The following CTTNBP2 variants were observed in gnomAD, a reference collection of about 807,000 sequenced individuals.
The protein encoded by CTTNBP2 is cortactin binding protein 2, also known as cortactin-binding protein 2.
Under a neutral mutation model 156.9 loss-of-function variants are expected in CTTNBP2, and 108 were observed. The ratio of observed to expected loss-of-function variants is 0.69; its 90% CI spans 0.59 to 0.81. The LOEUF (loss-of-function observed/expected upper bound fraction) is 0.81, where lower values mean the gene tolerates loss of function less well. CTTNBP2 is among the 30% of genes least tolerant of loss of function. CTTNBP2 has a pLI of 0.00. For synonymous variants in CTTNBP2, 767 were observed against 751.8 expected, an observed-to-expected ratio of 1.02 and a Z score of -0.33; for missense variants, 1,924 against 2,035.4, an observed-to-expected ratio of 0.95 and a Z score of 1.05.
chr7:117,721,140 AAG>A lies in CTTNBP2; in HGVS notation c.4448-12_4448-11del. 1 of 1,520,266 alleles carries A rather than the reference AAG, an allele frequency of 6.6e-7. No individual in the cohort carries two copies. Among genetic ancestry groups the A allele is most frequent in the Non-Finnish European group, 9.1e-7 (1 of 1,094,586 alleles). 94.2% of individuals were successfully genotyped at this position (1,520,266 alleles called of 1,614,324 possible). A position where few individuals can be genotyped will look rare whatever the true frequency, so the allele number is the denominator to read the frequency against. On this transcript the variant is annotated splice_polypyrimidine_tract_variant and intron_variant, in intron 19 of 22. Transcript: ENST00000160373. ...GTCTTATTTTTCATACCTGTTAAAA[AAG>A]AGAACCATTTTCAATAGATCATTAT...
At chr7:117,867,279 C>G (rs1804262630) in intron 1 of CTTNBP2, among the ~76,000 whole-genome samples, 1 of 152,134 alleles carries the variant, frequency 6.6e-6, no homozygotes, top group African/African-American at 2.4e-5. Flanking sequence ...TCCTCTGATT[C>G]ATCTGGGTAC....
Position 117,767,170 on chromosome 7 carries a change from G to A in CTTNBP2, c.2785C>T (p.Leu929=), listed in dbSNP as rs747289011. 5.1e-6 allele frequency: 8 copies of A among 1,583,826 alleles called. No individual in the cohort carries two copies. The highest frequency in any genetic ancestry group is 5.0e-5 in the Admixed American group (3 of 59,946). ...CCTCCGTGCCTACACAAGATTTCTAGGCAGTTCTATAAAGACAAGAGCTCT... is the reference window on the plus strand; with the variant it reads ...CCTCCGTGCCTACACAAGATTTCTAAGCAGTTCTATAAAGACAAGAGCTCT... ...IAASKGFKNC[L]EILCRHGGLE... Residue 929 remains leucine (L), a synonymous_variant, in exon 9 of 23, where the codon CTA becomes TTA. Transcript: ENST00000160373.
intron 8 of CTTNBP2, among the ~76,000 whole-genome samples, chr7:117,772,300 A>G (rs532399022): frequency 6.6e-6 from 1 of 152,320 alleles, no homozygotes; most frequent in South Asian, 2.1e-4. Context: ...TGGAGGAGGC[A>G]AGGTATTCAA....
chr7:117,871,462 AAAG>A (rs1804591164), intron 1 of CTTNBP2: 1 of 159,408 alleles, frequency 6.3e-6, no homozygotes, highest in Non-Finnish European at 1.5e-5. Flanking sequence ...TGGAAATAGC[AAAG>A]AAGGTTCACT....
intron 6 of CTTNBP2, among the ~76,000 whole-genome samples, chr7:117,781,927 G>C (rs1291486848): frequency 6.6e-6 from 1 of 152,210 alleles, no homozygotes; most frequent in African/African-American, 2.4e-5. Flanking sequence ...TATGTCCCAA[G>C]AGTAACAGCA....
chr7:117,783,963 CTCATA>C (rs1798564944), intron 5 of CTTNBP2, among the ~76,000 whole-genome samples: 1 of 152,074 alleles, frequency 6.6e-6, no homozygotes, highest in Non-Finnish European at 1.5e-5. Context: ...ATTAGACTTT[CTCATA>C]TATCAGGTAT....
At chr7:117,725,564 A>G (rs1164413214) in intron 17 of CTTNBP2, among the ~76,000 whole-genome samples, 1 of 152,268 alleles carries the variant, frequency 6.6e-6, no homozygotes, top group Non-Finnish European at 1.5e-5. Context: ...AGGTAAATTT[A>G]AAGACTGAAA....
rs753469120 is a variant in CTTNBP2 at position 117,735,351 on chromosome 7, T to C, written c.3606A>G (p.Lys1202=). 13 of 1,613,712 alleles carry C rather than the reference T, an allele frequency of 8.1e-6. No homozygotes were observed. The highest frequency in any genetic ancestry group is 1.0e-5 in the Non-Finnish European group (12 of 1,179,636). The change falls in exon 15 of 23, where the codon AAA becomes AAG. Residue 1202 remains lysine (K), a synonymous_variant. Transcript: ENST00000160373. Reference sequence around the variant, plus strand: ...CCCTCAATAACTCCGACAGTGAAGATTTTTCTAAATTTTCTAAAATGATGA... The same window carrying C: ...CCCTCAATAACTCCGACAGTGAAGACTTTTCTAAATTTTCTAAAATGATGA... ...KIIIILENLE[K]SSLSELLRDF... is the part of the protein sequence containing the mutation.
At chr7:117,731,677 A>G (rs1240459347) in intron 16 of CTTNBP2, among the ~76,000 whole-genome samples, 1 of 152,224 alleles carries the variant, frequency 6.6e-6, no homozygotes, top group Non-Finnish European at 1.5e-5. Context: ...GGAAAATGCT[A>G]TGACTGACTG....
At chr7:117,854,054 A>G (rs1353213471) in intron 2 of CTTNBP2, among the ~76,000 whole-genome samples, 1 of 152,226 alleles carries the variant, frequency 6.6e-6, no homozygotes, top group Non-Finnish European at 1.5e-5. Flanking sequence ...ATACAATGCT[A>G]CTTAAAAATC....
At position 117,836,648 on chromosome 7, in the gene CTTNBP2, C is replaced by T. The variant is rs557981302; in HGVS notation, c.189+24561G>A. On this transcript the variant is annotated intron_variant, in intron 2 of 22. Transcript: ENST00000160373. ...AAATACGTCACTCTTGTACAAAATA[C>T]CTTAAGCGTCTGTATTAGTCTGTTC... Among the ~76,000 whole-genome samples, 14 of 152,278 alleles carry T rather than the reference C, an allele frequency of 9.2e-5. No homozygotes were observed. In the East Asian group the frequency reaches 2.5e-3, roughly 27 times the overall value.
rs111497210 is a variant in CTTNBP2, at chr7:117,732,875, T to C, written c.3876+2038A>G. 1.6e-4 allele frequency among the ~76,000 whole-genome samples: 24 copies of C among 152,258 alleles called. 1 individual carries two copies. The highest frequency in any genetic ancestry group is 5.5e-4 in the African/African-American group (23 of 41,548). On this transcript the variant is annotated intron_variant, in intron 16 of 22. Coordinates refer to ENST00000160373, the MANE Select transcript of CTTNBP2 (RefSeq NM_033427.3). ...CTATTAAATTGATATCACTGTACTA[T>C]CTGAGGCTTTGGGATCTGTTACAAT...
At chr7:117,735,513 T>A in intron 14 of CTTNBP2, 92 bp from the exon 15 acceptor site, 1 of 1,078,844 alleles carries the variant, frequency 9.3e-7, no homozygotes, top group Non-Finnish European at 1.4e-6. Flanking sequence ...TATAAAGCAT[T>A]AGCAAAGATG....
rs922150344 is a variant in CTTNBP2 at position 117,817,494 on chromosome 7, T to C, written c.190-6505A>G. On this transcript the variant is annotated intron_variant, in intron 2 of 22. Coordinates refer to ENST00000160373, the MANE Select transcript of CTTNBP2 (RefSeq NM_033427.3). ...GAGGGTTTCACATACATGAGGTTCC[T>C]ACTTTGGCTTTCCTTGTTTGATATA... Among the ~76,000 whole-genome samples the C allele has an allele frequency of 6.0e-5, 9 of 150,022 alleles. No individual in the cohort carries two copies. The South Asian group carries it at 1.9e-3, about 32-fold the overall frequency.
Position 117,873,348 on chromosome 7 carries a change from G to C in CTTNBP2, c.68C>G (p.Ala23Gly). 1 of 1,452,396 alleles carries C rather than the reference G, an allele frequency of 6.9e-7. No homozygotes were observed. The allele number at this position is 1,452,396 out of a possible 1,614,324, so 90.0% of individuals were successfully genotyped here. ...SRAPEDAAGA[A>G]AEAAKKEFDV... ...GAACTCGGTTACCGCCGCCTCCGCC[G>C]CGGCCCCCGCCGCGTCCTCCGGGGC... Residue 23 changes from alanine to glycine, a missense_variant, in exon 1 of 23, where the codon GCG (alanine) becomes GGG (glycine). Physicochemically the swap from Ala to Gly is moderately conservative, Grantham distance 60. Coordinates refer to ENST00000160373, the MANE Select transcript of CTTNBP2 (RefSeq NM_033427.3).
chr7:117,796,147 G>A (rs1012300745), intron 3 of CTTNBP2, among the ~76,000 whole-genome samples: 2 of 152,098 alleles, frequency 1.3e-5, no homozygotes, highest in Non-Finnish European at 2.9e-5. Flanking sequence ...TTCAATCTAA[G>A]GGGGAAAGGT....
At chr7:117,763,140 A>G (rs1465311865) in intron 9 of CTTNBP2, among the ~76,000 whole-genome samples, 1 of 152,162 alleles carries the variant, frequency 6.6e-6, no homozygotes, top group Non-Finnish European at 1.5e-5. Flanking sequence ...TCTTATATTT[A>G]TTGTTCATTT....
intron 14 of CTTNBP2, among the ~76,000 whole-genome samples, chr7:117,739,705 G>C (rs1398474694): frequency 1.3e-5 from 2 of 152,184 alleles, no homozygotes; most frequent in African/African-American, 2.4e-5. Flanking sequence ...TTTCAGGACA[G>C]AAAACAACCC....
chr7:117,761,135 T>C (rs745769727), intron 9 of CTTNBP2, among the ~76,000 whole-genome samples: 1 of 152,330 alleles, frequency 6.6e-6, no homozygotes, highest in East Asian at 1.9e-4. Flanking sequence ...CTGAGAATCA[T>C]ATAGACCTTG....
Sources: allele counts gnomAD v4.1 joint callset (sites outside exome capture counted in the v4.1 genomes callset), GRCh38; gene constraint gnomAD v4.1.1; transcripts MANE v1.5; gene names NCBI Gene and HGNC (gene_info 2026-07-23, HGNC 2026-07-21).